Variants in RBFOX1 observed in about 807,000 individuals in gnomAD.
RBFOX1 encodes the protein RNA binding protein fox-1 homolog 1.
In RBFOX1, 8 loss-of-function variants were observed where a neutral mutation model predicts 57.7. The observed-to-expected ratio is 0.14, with a 90% CI of 0.08 to 0.25. The LOEUF (loss-of-function observed/expected upper bound fraction) is 0.25, where lower values mean the gene tolerates loss of function less well. Among genes scored for constraint, RBFOX1 ranks in the 10% least tolerant of loss-of-function variants. The probability of loss-of-function intolerance (pLI) is 1.00; values close to 1 mark genes in which losing one functional copy is unlikely to be tolerated. For missense variants in RBFOX1, 611 were observed against 548.5 expected (o/e 1.11, Z -1.14); for synonymous variants, 326 against 222.4 (o/e 1.47, Z -4.15).
chr16:6,486,429 T>C (rs2095483542), intron 2 of RBFOX1, among the ~76,000 whole-genome samples: 1 of 152,154 alleles, frequency 6.6e-6, no homozygotes. Flanking sequence ...GAACTAATAA[T>C]AAAATGATTA....
At chr16:5,466,165 CAGAG>C (rs2068947080) in intron 1 of RBFOX1, among the ~76,000 whole-genome samples, 1 of 152,196 alleles carries the variant, frequency 6.6e-6, no homozygotes, top group African/African-American at 2.4e-5. Flanking sequence ...AAGCTTGCGT[CAGAG>C]AGAGAAAGAA....
At chr16:5,847,986 G>T (rs2056799932) in intron 3 of RBFOX1, among the ~76,000 whole-genome samples, 1 of 152,242 alleles carries the variant, frequency 6.6e-6, no homozygotes, top group East Asian at 1.9e-4. Context: ...ACATCATCTG[G>T]TGTAGTGTAA....
chr16:7,603,483 T>C lies in RBFOX1; in HGVS notation c.623-3802T>C, dbSNP rs375176885. ...ATAGCATTAACGGCAATGCAGAAAATAAAACTGGGAATGGAATCATGGAAT... is the reference window on the plus strand; with the variant it reads ...ATAGCATTAACGGCAATGCAGAAAACAAAACTGGGAATGGAATCATGGAAT... On this transcript the variant is annotated intron_variant, in intron 9 of 15. Coordinates refer to ENST00000550418, the MANE Select transcript of RBFOX1 (RefSeq NM_018723.4). Among the ~76,000 whole-genome samples, 8 of 151,732 alleles carry C rather than the reference T, an allele frequency of 5.3e-5. No homozygotes were observed. In the South Asian group the frequency reaches 8.3e-4, roughly 16 times the overall value.
rs180870134 is a variant in RBFOX1 at position 7,659,189 on chromosome 16, C to G, written c.890+5242C>G. 1.1e-4 allele frequency among the ~76,000 whole-genome samples: 17 copies of G among 152,250 alleles called. No homozygotes were observed. The East Asian group carries it at 3.1e-3, about 28-fold the overall frequency. ...ACCTTGAGAAGTATTTGAGAAGACT[C>G]TATATTATTTGGGGTATAGGAAAGA... is the stretch of plus-strand genomic sequence containing the variant. On this transcript the variant is annotated intron_variant, in intron 12 of 15. Transcript: ENST00000550418.
At chr16:7,518,101 C>T (rs375581040) in intron 4 of RBFOX1, 46 bp from the exon 5 acceptor site, 4 of 1,571,916 alleles carry the variant, frequency 2.5e-6, no homozygotes, top group Non-Finnish European at 2.6e-6. Flanking sequence ...TGCATGGTGG[C>T]TCCTCATGAC....
At chr16:7,497,602 G>A (rs1222400265) in intron 4 of RBFOX1, among the ~76,000 whole-genome samples, 1 of 152,152 alleles carries the variant, frequency 6.6e-6, no homozygotes, top group Non-Finnish European at 1.5e-5. Context: ...AATGCTTATT[G>A]TGAACCTACT....
At chr16:7,110,239 A>G (rs1202982913) in intron 4 of RBFOX1, among the ~76,000 whole-genome samples, 1 of 151,232 alleles carries the variant, frequency 6.6e-6, no homozygotes, top group Non-Finnish European at 1.5e-5. Context: ...ACCCTCGTGT[A>G]GTCCCAGCTT....
intron 2 of RBFOX1, among the ~76,000 whole-genome samples, chr16:5,573,729 A>T (rs2046360876): frequency 6.6e-6 from 1 of 152,074 alleles, no homozygotes; most frequent in Non-Finnish European, 1.5e-5. Flanking sequence ...TGGGAGGCCG[A>T]GGTGGGAGGA....
chr16:7,416,666 A>G (rs2098480885), intron 4 of RBFOX1, among the ~76,000 whole-genome samples: 1 of 152,068 alleles, frequency 6.6e-6, no homozygotes, highest in Non-Finnish European at 1.5e-5. Flanking sequence ...CCCAGTGGCA[A>G]TGGATACCCA....
chr16:5,857,944 C>T (rs9931760), intron 3 of RBFOX1, among the ~76,000 whole-genome samples: 10,556 of 151,958 alleles, frequency 0.069, 655 homozygotes, highest in African/African-American at 0.16. Context: ...GAGACCCTGT[C>T]TCAAAAAATA....
At chr16:6,838,363 C>T (rs1350818944) in intron 3 of RBFOX1, among the ~76,000 whole-genome samples, 1 of 152,126 alleles carries the variant, frequency 6.6e-6, no homozygotes, top group Admixed American at 6.6e-5. Context: ...TTAACTCATT[C>T]TTTTTTATGG....
intron 3 of RBFOX1, among the ~76,000 whole-genome samples, chr16:6,825,609 C>T (rs182980638): frequency 1.3e-5 from 2 of 152,276 alleles, no homozygotes; most frequent in South Asian, 4.2e-4. Context: ...TTAGAAACTG[C>T]AACATCCTCT....
At chr16:5,713,000 A>C (rs962950165) in intron 3 of RBFOX1, among the ~76,000 whole-genome samples, 23 of 152,110 alleles carry the variant, frequency 1.5e-4, no homozygotes, top group African/African-American at 5.6e-4. Flanking sequence ...GCTGGTGGTT[A>C]ATTTGAGAAT....
intron 3 of RBFOX1, among the ~76,000 whole-genome samples, chr16:6,892,897 C>T (rs1005252029): frequency 2.6e-5 from 4 of 151,800 alleles, no homozygotes; most frequent in African/African-American, 9.7e-5. Flanking sequence ...TCTCACCACT[C>T]ACTCTCAGTC....
intron 14 of RBFOX1, among the ~76,000 whole-genome samples, chr16:7,703,479 T>C (rs1386370386): frequency 6.6e-6 from 1 of 152,154 alleles, no homozygotes; most frequent in Admixed American, 6.5e-5. Flanking sequence ...GGGGAGATGA[T>C]ACTAATGGAA....
chr16:7,644,922 C>A (rs1009693), intron 11 of RBFOX1, among the ~76,000 whole-genome samples: 147,369 of 152,242 alleles, frequency 0.97, 71,511 homozygotes, highest in Middle Eastern at 1. Context: ...ACTGTTAGAG[C>A]CTGGACAAAG....
chr16:6,733,474 A>G (rs967332341), intron 3 of RBFOX1, among the ~76,000 whole-genome samples: 1 of 152,208 alleles, frequency 6.6e-6, no homozygotes, highest in Non-Finnish European at 1.5e-5. Flanking sequence ...GGTGGCTTTT[A>G]TAAGGGCAAT....
chr16:7,487,160 A>G (rs1379580300), intron 4 of RBFOX1, among the ~76,000 whole-genome samples: 1 of 152,136 alleles, frequency 6.6e-6, no homozygotes, highest in Non-Finnish European at 1.5e-5. Flanking sequence ...TCGGCCTCCA[A>G]AAGTGCTGGG....
intron 4 of RBFOX1, among the ~76,000 whole-genome samples, chr16:7,295,374 T>C (rs746962070): frequency 6.6e-6 from 1 of 152,162 alleles, no homozygotes; most frequent in Admixed American, 6.5e-5. Context: ...GAAGGAGGAA[T>C]GATGGTTTCA....
Sources: allele counts gnomAD v4.1 joint callset (sites outside exome capture counted in the v4.1 genomes callset), GRCh38; gene constraint gnomAD v4.1.1; transcripts MANE v1.5; gene names NCBI Gene and HGNC (gene_info 2026-07-23, HGNC 2026-07-21).